CNTN6: variants seen among roughly 807,000 people sequenced by gnomAD.
CNTN6 encodes the protein contactin 6, also known as contactin-6.
A neutral mutation model predicts 122.8 loss-of-function variants in CNTN6; 137 were observed. That is an observed-to-expected ratio of 1.12 (90% CI 0.97 to 1.29). The LOEUF is 1.29. CNTN6 is among the 50% of genes most tolerant of loss of function. The pLI, the probability that CNTN6 is intolerant of heterozygous loss-of-function variation, is 0.00. For missense variants in CNTN6, 1,634 were observed against 1,223.4 expected, an observed-to-expected ratio of 1.34 and a Z score of -5.01; for synonymous variants, 570 against 426.0, an observed-to-expected ratio of 1.34 and a Z score of -4.16.
intron 4 of CNTN6, among the ~76,000 whole-genome samples, chr3:1,265,281 T>C (rs1302050637): frequency 3.9e-5 from 6 of 152,166 alleles, no homozygotes. Context: ...TAGCACTCTC[T>C]GCCTCTTCAC....
intron 4 of CNTN6, among the ~76,000 whole-genome samples, chr3:1,229,316 A>G (rs1443375299): frequency 6.6e-6 from 1 of 152,154 alleles, no homozygotes; most frequent in Non-Finnish European, 1.5e-5. Context: ...CAGACTTTGA[A>G]CGATTCTGCC....
chr3:1,173,167 GA>G, intron 2 of CNTN6: 1 of 454,896 alleles, frequency 2.2e-6, no homozygotes, highest in South Asian at 1.6e-5. Flanking sequence ...GTAAGGAGAG[GA>G]CATTTTGAAG....
chr3:1,379,757 G>T (rs1026376175), intron 17 of CNTN6, among the ~76,000 whole-genome samples: 7 of 151,902 alleles, frequency 4.6e-5, no homozygotes, highest in African/African-American at 9.7e-5. Flanking sequence ...TAGTGAAATC[G>T]GTTTCCCATT....
chr3:1,329,769 T>C lies in CNTN6; in HGVS notation c.1214-16T>C, dbSNP rs1204800562. On this transcript the variant is annotated splice_polypyrimidine_tract_variant and intron_variant, in intron 10 of 22. Coordinates refer to ENST00000446702, the MANE Select transcript of CNTN6 (RefSeq NM_001289080.2). The stretch of plus-strand genomic sequence containing the variant: ...ACTGAGTAATTAAACAATTTTGTCT[T>C]TGATTTTGTTTTTAGCCTCAGCTCC... 2 of 1,599,632 alleles carry C rather than the reference T, an allele frequency of 1.3e-6. No homozygotes were observed. Among genetic ancestry groups the C allele is most frequent in the Admixed American group, 3.5e-5 (2 of 57,694 alleles).
chr3:1,113,177 T>A (rs1312064052), intron 1 of CNTN6, among the ~76,000 whole-genome samples: 1 of 152,144 alleles, frequency 6.6e-6, no homozygotes, highest in East Asian at 1.9e-4. Context: ...GTAGAAGTAA[T>A]ATATTGCCTG....
In CNTN6 at chr3:1,318,698, T is replaced by A. The variant is rs948494382; in HGVS notation, c.762-2952T>A. On this transcript the variant is annotated intron_variant, in intron 7 of 22. Coordinates refer to ENST00000446702, the MANE Select transcript of CNTN6 (RefSeq NM_001289080.2). The stretch of plus-strand genomic sequence containing the variant: ...AGAATACAGGTCATACCTAGAGTTG[T>A]CTCACAACTAGGAGCACGGGAGCTG... 2.0e-5 allele frequency among the ~76,000 whole-genome samples: 3 copies of A among 151,780 alleles called. No homozygotes were observed. The Admixed American group carries it at 2.0e-4, about 10-fold the overall frequency.
chr3:1,163,294 AATT>A (rs1384773323), intron 2 of CNTN6, among the ~76,000 whole-genome samples: 4 of 152,118 alleles, frequency 2.6e-5, no homozygotes, highest in African/African-American at 9.7e-5. Flanking sequence ...GTTATTTTGA[AATT>A]ATTATCAAGA....
rs114457800 is a variant in CNTN6, at chr3:1,381,622, C to T, written c.2167-1320C>T. Among the ~76,000 whole-genome samples, 255 of 152,268 alleles carry T rather than the reference C, an allele frequency of 1.7e-3. 1 individual carries two copies. Among genetic ancestry groups the T allele is most frequent in the African/African-American group, 5.8e-3 (243 of 41,554 alleles). The stretch of plus-strand genomic sequence containing the variant: ...CTGATCCAGCCCCGGCTTGAATAGT[C>T]TCTCATGCTTATGCCTCAGTTCCTC... On this transcript the variant is annotated intron_variant, in intron 17 of 22. Coordinates refer to ENST00000446702, the MANE Select transcript of CNTN6 (RefSeq NM_001289080.2).
At chr3:1,354,070 A>G (rs950116454) in intron 12 of CNTN6, among the ~76,000 whole-genome samples, 1 of 151,516 alleles carries the variant, frequency 6.6e-6, no homozygotes, top group African/African-American at 2.4e-5. Flanking sequence ...GTGTTTCTTA[A>G]ACTTTGACAT....
At chr3:1,309,706 A>G (rs557508219) in intron 7 of CNTN6, among the ~76,000 whole-genome samples, 3 of 152,284 alleles carry the variant, frequency 2.0e-5, no homozygotes, top group African/African-American at 4.8e-5. Context: ...ACTTAAATCT[A>G]TTGATCAAGT....
At chr3:1,270,966 G>C (rs1416993063) in intron 4 of CNTN6, among the ~76,000 whole-genome samples, 2 of 152,178 alleles carry the variant, frequency 1.3e-5, no homozygotes, top group African/African-American at 4.8e-5. Context: ...GTGGAGTGCA[G>C]TTGTGCGATC....
intron 4 of CNTN6, among the ~76,000 whole-genome samples, chr3:1,262,304 ATAAG>A (rs2094858698): frequency 6.6e-6 from 1 of 152,162 alleles, no homozygotes; most frequent in South Asian, 2.1e-4. Flanking sequence ...GGCATGAACT[ATAAG>A]TAAAAACAAG....
intron 2 of CNTN6, among the ~76,000 whole-genome samples, chr3:1,205,399 C>A (rs2093944654): frequency 6.6e-6 from 1 of 152,196 alleles, no homozygotes; most frequent in Admixed American, 6.5e-5. Context: ...GTCTCAACTT[C>A]TCATGCAGAT....
At chr3:1,108,786 A>G (rs1180876493) in intron 1 of CNTN6, among the ~76,000 whole-genome samples, 1 of 152,072 alleles carries the variant, frequency 6.6e-6, no homozygotes, top group Non-Finnish European at 1.5e-5. Context: ...CTTTTTAGAA[A>G]AAGTTTTGAA....
At chr3:1,267,024 T>G (rs2094937378) in intron 4 of CNTN6, among the ~76,000 whole-genome samples, 1 of 148,500 alleles carries the variant, frequency 6.7e-6, no homozygotes, top group Non-Finnish European at 1.5e-5. Context: ...CAAGCAATTC[T>G]TCTGCCTCAG....
chr3:1,293,457 T>C (rs1044077014), intron 5 of CNTN6, among the ~76,000 whole-genome samples: 1 of 152,178 alleles, frequency 6.6e-6, no homozygotes, highest in African/African-American at 2.4e-5. Flanking sequence ...CTTTTGGGAA[T>C]TTAAATTTAG....
chr3:1,225,705 T>C (rs1194258138), intron 3 of CNTN6, among the ~76,000 whole-genome samples: 1 of 151,586 alleles, frequency 6.6e-6, no homozygotes, highest in African/African-American at 2.4e-5. Flanking sequence ...TATTGTTTTT[T>C]TTTTTTTTCA....
rs565407 is a variant in CNTN6 at position 1,295,489 on chromosome 3, G to T, written c.455-112G>T. 3.1e-3 allele frequency: 2,506 copies of T among 805,506 alleles called. 47 individuals are homozygous for T. In the African/African-American group the frequency reaches 0.038, roughly 12 times the overall value. 49.9% of individuals were successfully genotyped at this position (805,506 alleles called of 1,614,324 possible). A position where few individuals can be genotyped will look rare whatever the true frequency, so the allele number is the denominator to read the frequency against. On this transcript the variant is annotated intron_variant, in intron 5 of 22. Transcript: ENST00000446702. ...ACAGCTATCAACTGAGCAAATAGAG[G>T]CACAATTTTCTCCTAATTATGGGGA...
chr3:1,167,092 A>G (rs1160545267), intron 2 of CNTN6, among the ~76,000 whole-genome samples: 1 of 151,996 alleles, frequency 6.6e-6, no homozygotes. Flanking sequence ...ACAGTGCAGT[A>G]GAGTGGTAGG....
Sources: allele counts gnomAD v4.1 joint callset (sites outside exome capture counted in the v4.1 genomes callset), GRCh38; gene constraint gnomAD v4.1.1; transcripts MANE v1.5; gene names NCBI Gene and HGNC (gene_info 2026-07-23, HGNC 2026-07-21).